Variants in CDH1 observed in about 807,000 individuals in gnomAD.
CDH1 encodes the protein cadherin 1.
In CDH1, 35 loss-of-function variants were observed where a neutral mutation model predicts 84.5. The ratio of observed to expected loss-of-function variants is 0.41; its 90% CI spans 0.32 to 0.55. The LOEUF is 0.55. CDH1 is among the 20% of genes least tolerant of loss of function. The pLI is 0.19. For synonymous variants in CDH1, 417 were observed against 439.0 expected (o/e 0.95, Z 0.63); for missense variants, 994 against 1,126.6 (o/e 0.88, Z 1.68).
chr16:68,815,833 AT>A, intron 10 of CDH1, 74 bp downstream of exon 10: 1 of 1,516,946 alleles, frequency 6.6e-7, no homozygotes, highest in Non-Finnish European at 9.1e-7. Context: ...AATCAATAAT[AT>A]GTACTTCATG....
Position 68,810,323 on chromosome 16 carries a change from A to G in CDH1, c.814A>G (p.Met272Val). ...CCAGGAGGTCTTTAAGGGGTCTGTCATGGAAGGTGCTCTTCCAGGTATATC... is the reference window on the plus strand; with the variant it reads ...CCAGGAGGTCTTTAAGGGGTCTGTCGTGGAAGGTGCTCTTCCAGGTATATC... ...FTQEVFKGSV[M>V]EGALPGTSVM... The change falls in exon 6 of 16, where the codon ATG (methionine) becomes GTG (valine). Residue 272 changes from methionine to valine, a missense_variant. Met to Val is a conservative substitution (Grantham distance 21, BLOSUM62 1). Around this residue, in one of 3 missense-constraint regions of CDH1, gnomAD observed 769 missense variants for 881.8 expected, o/e 0.87. Transcript: ENST00000261769. 2 of 1,614,028 alleles carry G rather than the reference A, an allele frequency of 1.2e-6. No homozygotes were observed. The highest frequency in any genetic ancestry group is 1.7e-6 in the Non-Finnish European group (2 of 1,179,886).
chr16:68,811,119 T>C (rs759915402), intron 6 of CDH1, among the ~76,000 whole-genome samples: 1 of 151,998 alleles, frequency 6.6e-6, no homozygotes, highest in Non-Finnish European at 1.5e-5. Flanking sequence ...CACCCTAGGC[T>C]GGGTGTGGTG....
rs1597897842 is a variant in CDH1, at chr16:68,815,559, A to G, written c.1365A>G (p.Ala455=). ...AGCAGCAGTACATTCTACACGTAGC[A>G]GTGACGAATGTGGTACCTTTTGAGG... The part of the protein sequence containing the change: ...EAKQQYILHV[A]VTNVVPFEVS... The change falls in exon 10 of 16, where the codon GCA becomes GCG. Residue 455 remains alanine (A), a synonymous_variant. Transcript: ENST00000261769. The G allele has an allele frequency of 1.2e-6, 2 of 1,614,236 alleles. No homozygotes were observed. The highest frequency in any genetic ancestry group is 1.7e-6 in the Non-Finnish European group (2 of 1,180,018).
In CDH1 at chr16:68,829,713, C is replaced by T. The variant is rs375988871; in HGVS notation, c.2355C>T (p.Asn785=). ...ACGCTCGGCCTGAAGTGACTCGTAACGACGTTGCACCAACCCTCATGAGTG... is the reference window on the plus strand; with the variant it reads ...ACGCTCGGCCTGAAGTGACTCGTAATGACGTTGCACCAACCCTCATGAGTG... ...GLDARPEVTR[N]DVAPTLMSVP... Residue 785 remains asparagine, a synonymous_variant, in exon 15 of 16, where the codon AAC becomes AAT. Coordinates refer to ENST00000261769, the MANE Select transcript of CDH1 (RefSeq NM_004360.5). The T allele has an allele frequency of 6.8e-6, 11 of 1,613,974 alleles. No homozygotes were observed. The highest frequency in any genetic ancestry group is 6.7e-5 in the African/African-American group (5 of 74,902).
At chr16:68,819,451 G>T (rs2152137063) in intron 11 of CDH1, 26 bp downstream of exon 11, 1 of 1,611,736 alleles carries the variant, frequency 6.2e-7, no homozygotes, top group Admixed American at 1.7e-5. Flanking sequence ...CTGAGCCTTT[G>T]CTGCCTCGAC....
intron 2 of CDH1, among the ~76,000 whole-genome samples, chr16:68,780,175 C>T (rs1959836750): frequency 6.6e-6 from 1 of 152,162 alleles, no homozygotes; most frequent in South Asian, 2.1e-4. Context: ...CCCTCCCTTC[C>T]AGCAAGTCTT....
At chr16:68,783,336 GC>G (rs1446448689) in intron 2 of CDH1, among the ~76,000 whole-genome samples, 5 of 149,178 alleles carry the variant, frequency 3.4e-5, no homozygotes, top group African/African-American at 1.2e-4. Context: ...GGTGAAGGTT[GC>G]AGTGAGCTAA....
chr16:68,803,993 G>A (rs1001788470), intron 3 of CDH1, among the ~76,000 whole-genome samples: 7 of 151,694 alleles, frequency 4.6e-5, no homozygotes, highest in Admixed American at 2.0e-4. Context: ...ATGGCGGCTG[G>A]AGCTCCAGTC....
chr16:68,809,391 G>A (rs1282690349), intron 5 of CDH1, among the ~76,000 whole-genome samples: 1 of 152,080 alleles, frequency 6.6e-6, no homozygotes, highest in African/African-American at 2.4e-5. Flanking sequence ...TATTAGAGAT[G>A]AGGTTTTACC....
intron 1 of CDH1, 23 bp downstream of exon 1, chr16:68,737,486 C>A (rs1184538316): frequency 1.3e-6 from 2 of 1,534,176 alleles, no homozygotes; most frequent in East Asian, 4.9e-5. Context: ...CCCTGACTTG[C>A]GAGGGACGCA....
chr16:68,737,607 C>G (rs1962434705), intron 1 of CDH1, 144 bp downstream of exon 1: 2 of 779,032 alleles, frequency 2.6e-6, no homozygotes, highest in Admixed American at 2.2e-5. Flanking sequence ...GCCTGGAAGC[C>G]TCGCGCGCTC....
chr16:68,824,806 C>A (rs1961274582), intron 13 of CDH1, among the ~76,000 whole-genome samples: 1 of 152,142 alleles, frequency 6.6e-6, no homozygotes, highest in Admixed American at 6.5e-5. Flanking sequence ...AGTACTGAAT[C>A]TATTAAAGGA....
Position 68,776,525 on chromosome 16 carries a change from A to C in CDH1, c.164-25145A>C, listed in dbSNP as rs79999563. Among the ~76,000 whole-genome samples, 1,494 of 152,236 alleles carry C rather than the reference A, an allele frequency of 9.8e-3. 7 individuals are homozygous for C. Among genetic ancestry groups the C allele is most frequent in the Non-Finnish European group, 0.015 (1,020 of 68,004 alleles). On this transcript the variant is annotated intron_variant, in intron 2 of 15. Transcript: ENST00000261769. ...TTTTACTTAGTAAAATCTCATTAAA[A>C]ATTTTTTTTAAATAGTATGTTTTGT...
At chr16:68,766,373 C>G (rs1959385742) in intron 2 of CDH1, among the ~76,000 whole-genome samples, 1 of 152,224 alleles carries the variant, frequency 6.6e-6, no homozygotes, top group Non-Finnish European at 1.5e-5. Context: ...TTGTCCCTAA[C>G]TGCCGGATGC....
At chr16:68,746,285 C>T (rs369998595) in intron 2 of CDH1, among the ~76,000 whole-genome samples, 51 of 152,204 alleles carry the variant, frequency 3.4e-4, no homozygotes, top group African/African-American at 1.2e-3. Flanking sequence ...TTCAGCTGGG[C>T]GTGGTGGCAT....
At chr16:68,759,971 C>G (rs1963120876) in intron 2 of CDH1, among the ~76,000 whole-genome samples, 1 of 152,024 alleles carries the variant, frequency 6.6e-6, no homozygotes, top group Admixed American at 6.6e-5. Flanking sequence ...ATGCCAAGGT[C>G]CACCCATGCA....
intron 13 of CDH1, among the ~76,000 whole-genome samples, chr16:68,824,452 A>C (rs1047391259): frequency 1.3e-5 from 2 of 152,058 alleles, no homozygotes. Flanking sequence ...TAGATTGGGG[A>C]AGGGGATAAC....
chr16:68,764,554 C>T (rs1028967992), intron 2 of CDH1, among the ~76,000 whole-genome samples: 4 of 152,084 alleles, frequency 2.6e-5, no homozygotes, highest in African/African-American at 7.2e-5. Flanking sequence ...CCAGCCTGGG[C>T]GATAGAGTGA....
intron 2 of CDH1, among the ~76,000 whole-genome samples, chr16:68,767,213 C>G (rs915425447): frequency 2.6e-5 from 4 of 151,084 alleles, no homozygotes; most frequent in Non-Finnish European, 5.9e-5. Flanking sequence ...TTCTTTTCCC[C>G]TGAGACAGTC....
Sources: allele counts gnomAD v4.1 joint callset (sites outside exome capture counted in the v4.1 genomes callset), GRCh38; gene constraint gnomAD v4.1.1; regional missense constraint gnomAD v4.1.1; transcripts MANE v1.5; gene names NCBI Gene and HGNC (gene_info 2026-07-23, HGNC 2026-07-21).